The following TMC1 variants were observed in gnomAD, a reference collection of about 807,000 sequenced individuals.
The protein encoded by TMC1 is transmembrane channel like 1, also known as transmembrane channel-like protein 1.
A neutral mutation model predicts 105.8 loss-of-function variants in TMC1; 84 were observed. The ratio of observed to expected loss-of-function variants is 0.79; its 90% CI spans 0.67 to 0.95. The LOEUF (loss-of-function observed/expected upper bound fraction) is 0.95, where lower values mean the gene tolerates loss of function less well. TMC1 is among the 40% of genes least tolerant of loss of function. The pLI, the probability that TMC1 is intolerant of heterozygous loss-of-function variation, is 0.00. For synonymous variants in TMC1, 315 were observed against 311.5 expected, an observed-to-expected ratio of 1.01 and a Z score of -0.12; for missense variants, 817 against 914.1, an observed-to-expected ratio of 0.89 and a Z score of 1.37.
intron 1 of TMC1, among the ~76,000 whole-genome samples, chr9:72,576,879 T>C (rs1824391554): frequency 6.6e-6 from 1 of 151,924 alleles, no homozygotes; most frequent in South Asian, 2.1e-4. Flanking sequence ...TCCACCCGCC[T>C]TGGCTTCCCA....
At chr9:72,739,683 T>A (rs1054806699) in intron 8 of TMC1, among the ~76,000 whole-genome samples, 3 of 152,204 alleles carry the variant, frequency 2.0e-5, no homozygotes, top group Admixed American at 6.5e-5. Context: ...TCATTAAGTG[T>A]GTTCTATGTC....
intron 5 of TMC1, among the ~76,000 whole-genome samples, chr9:72,657,228 C>G (rs1364146636): frequency 6.6e-6 from 1 of 152,192 alleles, no homozygotes; most frequent in Non-Finnish European, 1.5e-5. Context: ...GTTTGGGTTT[C>G]CCCTGCCCAT....
rs571188007 is a variant in TMC1, at chr9:72,772,378, G to A, written c.742-35G>A. On this transcript the variant is annotated intron_variant, in intron 12 of 23. Coordinates refer to ENST00000297784, the MANE Select transcript of TMC1 (RefSeq NM_138691.3). ...TCTTTTCCTTTGAGTTGCTCTTCACGACAACTGCTAAGTGGCTTTGTTGTT... is the reference window on the plus strand; with the variant it reads ...TCTTTTCCTTTGAGTTGCTCTTCACAACAACTGCTAAGTGGCTTTGTTGTT... The A allele has an allele frequency of 2.5e-5, 40 of 1,613,206 alleles. No homozygotes were observed. The South Asian group carries it at 2.7e-4, about 11-fold the overall frequency.
intron 8 of TMC1, among the ~76,000 whole-genome samples, chr9:72,709,935 G>T (rs1243624017): frequency 1.3e-5 from 2 of 151,948 alleles, no homozygotes; most frequent in Non-Finnish European, 2.9e-5. Context: ...AGTTCCTTGA[G>T]GTGTTACCTT....
intron 1 of TMC1, among the ~76,000 whole-genome samples, chr9:72,574,758 T>C (rs1824346321): frequency 6.6e-6 from 1 of 152,238 alleles, no homozygotes; most frequent in African/African-American, 2.4e-5. Flanking sequence ...GGTGAATTTC[T>C]AGAAGTCAGC....
chr9:72,743,566 CA>C (rs386415092), intron 10 of TMC1, among the ~76,000 whole-genome samples: 140 of 101,702 alleles, frequency 1.4e-3, no homozygotes, highest in Non-Finnish European at 2.0e-3. Context: ...GACTCTGTTT[CA>C]AAAAAAAAAA....
At chr9:72,714,956 C>T (rs908515210) in intron 8 of TMC1, among the ~76,000 whole-genome samples, 7 of 152,146 alleles carry the variant, frequency 4.6e-5, no homozygotes, top group Non-Finnish European at 1.0e-4. Context: ...GTAAGGCAGG[C>T]CTGGTGGTGA....
At chr9:72,816,790 C>G (rs1287647234) in intron 19 of TMC1, among the ~76,000 whole-genome samples, 4 of 152,056 alleles carry the variant, frequency 2.6e-5, no homozygotes, top group Admixed American at 2.6e-4. Context: ...GTTGTCATAT[C>G]TTTTATCAAA....
intron 19 of TMC1, among the ~76,000 whole-genome samples, chr9:72,817,878 G>T (rs890450289): frequency 6.6e-6 from 1 of 152,106 alleles, no homozygotes; most frequent in Non-Finnish European, 1.5e-5. Context: ...CAGTGGTCAA[G>T]CTTGCTTCTG....
At chr9:72,704,110 C>T (rs1023835088) in intron 8 of TMC1, among the ~76,000 whole-genome samples, 1 of 152,150 alleles carries the variant, frequency 6.6e-6, no homozygotes, top group Non-Finnish European at 1.5e-5. Context: ...GCAGCTTTCC[C>T]TCTACCCTTT....
intron 1 of TMC1, among the ~76,000 whole-genome samples, chr9:72,533,437 T>G (rs1441590859): frequency 2.6e-5 from 4 of 152,208 alleles, no homozygotes; most frequent in Admixed American, 1.3e-4. Flanking sequence ...CTACTGCTTC[T>G]CTTCCTGATT....
chr9:72,568,067 A>G (rs1475358008), intron 1 of TMC1, among the ~76,000 whole-genome samples: 1 of 138,884 alleles, frequency 7.2e-6, no homozygotes, highest in Non-Finnish European at 1.5e-5. Flanking sequence ...CGCTGCCCTC[A>G]ATGATTTTTT....
chr9:72,709,551 A>C (rs1826799401), intron 8 of TMC1, among the ~76,000 whole-genome samples: 1 of 152,010 alleles, frequency 6.6e-6, no homozygotes, highest in East Asian at 1.9e-4. Flanking sequence ...CAGGGTTTCT[A>C]ATTCTGATTC....
intron 4 of TMC1, among the ~76,000 whole-genome samples, chr9:72,647,425 A>G (rs1417311498): frequency 6.6e-6 from 1 of 152,172 alleles, no homozygotes; most frequent in African/African-American, 2.4e-5. Flanking sequence ...TGGTTAATAT[A>G]AATCAAATTG....
intron 12 of TMC1, among the ~76,000 whole-genome samples, chr9:72,759,008 C>T (rs946916367): frequency 2.6e-5 from 4 of 152,078 alleles, no homozygotes; most frequent in Admixed American, 2.6e-4. Flanking sequence ...AGAAATTAAA[C>T]AGGTATTGGG....
At position 72,755,789 on chromosome 9, in the gene TMC1, C is replaced by T. The variant is rs376441561; in HGVS notation, c.741+905C>T. Among the ~76,000 whole-genome samples, 6 of 152,154 alleles carry T rather than the reference C, an allele frequency of 3.9e-5. No individual in the cohort carries two copies. In the East Asian group the frequency reaches 9.6e-4, roughly 24 times the overall value. The stretch of plus-strand genomic sequence containing the variant: ...GCAGAATGAAGGAGGGAAAAGCAGA[C>T]TGCCTGTTTATAGTGTTAATATGTA... On this transcript the variant is annotated intron_variant, in intron 12 of 23. Transcript: ENST00000297784.
chr9:72,575,721 C>A (rs986369857), intron 1 of TMC1, among the ~76,000 whole-genome samples: 1 of 152,164 alleles, frequency 6.6e-6, no homozygotes, highest in Non-Finnish European at 1.5e-5. Flanking sequence ...GTCACAGCAG[C>A]TTTTGGGGTG....
chr9:72,713,493 A>G (rs1302983648), intron 8 of TMC1, among the ~76,000 whole-genome samples: 4 of 152,122 alleles, frequency 2.6e-5, no homozygotes, highest in Non-Finnish European at 1.5e-5. Context: ...TTCCTGGTTC[A>G]GTTTTAGGAG....
intron 1 of TMC1, among the ~76,000 whole-genome samples, chr9:72,561,187 G>C (rs1211290314): frequency 6.6e-6 from 1 of 151,882 alleles, no homozygotes; most frequent in Non-Finnish European, 1.5e-5. Context: ...CGGGCGTGGT[G>C]GTGGGCACCT....
Sources: allele counts gnomAD v4.1 joint callset (sites outside exome capture counted in the v4.1 genomes callset), GRCh38; gene constraint gnomAD v4.1.1; transcripts MANE v1.5; gene names NCBI Gene and HGNC (gene_info 2026-07-23, HGNC 2026-07-21).